ASIC2: variants seen among roughly 807,000 people sequenced by gnomAD.
ASIC2 encodes acid sensing ion channel subunit 2.
ASIC2 carries 25 observed loss-of-function variants against 57.3 expected under a neutral mutation model. That is an observed-to-expected ratio of 0.44 (90% CI 0.32 to 0.61). The LOEUF (loss-of-function observed/expected upper bound fraction) is 0.61, where lower values mean the gene tolerates loss of function less well. Among genes scored for constraint, ASIC2 ranks in the 20% least tolerant of loss-of-function variants. The probability of loss-of-function intolerance (pLI) is 0.06; values close to 1 mark genes in which losing one functional copy is unlikely to be tolerated. For missense variants in ASIC2, 641 were observed against 738.1 expected, an observed-to-expected ratio of 0.87 and a Z score of 1.52; for synonymous variants, 319 against 307.5, an observed-to-expected ratio of 1.04 and a Z score of -0.39.
chr17:33,099,560 C>T (rs552964694), intron 2 of ASIC2, among the ~76,000 whole-genome samples: 34 of 152,214 alleles, frequency 2.2e-4, no homozygotes, highest in African/African-American at 6.7e-4. Context: ...GTGAAAGCAC[C>T]GTGTGTGGAG....
chr17:33,690,855 T>C (rs180898417), intron 1 of ASIC2, among the ~76,000 whole-genome samples: 63 of 146,448 alleles, frequency 4.3e-4, no homozygotes, highest in African/African-American at 1.5e-3. Context: ...ATTCACGCCA[T>C]TCTCCTGCCT....
At chr17:33,732,044 A>G (rs191388105) in intron 1 of ASIC2, among the ~76,000 whole-genome samples, 104 of 152,334 alleles carry the variant, frequency 6.8e-4, no homozygotes, top group African/African-American at 2.2e-3. Flanking sequence ...GAAAATTTAT[A>G]TAGATGTAAT....
At chr17:33,571,866 TCATCAAAGG>T (rs1241959680) in intron 1 of ASIC2, 4 of 152,228 alleles carry the variant, frequency 2.6e-5, no homozygotes, top group Non-Finnish European at 5.9e-5. Flanking sequence ...CTATTAGCAC[TCATCAAAGG>T]GTTTACCAGC....
chr17:33,637,050 C>A (rs777328706), intron 1 of ASIC2, among the ~76,000 whole-genome samples: 4 of 152,090 alleles, frequency 2.6e-5, no homozygotes, highest in Non-Finnish European at 4.4e-5. Context: ...TCTTCCCTCT[C>A]TTCTTTCTCT....
chr17:33,699,668 A>G (rs559693694), intron 1 of ASIC2, among the ~76,000 whole-genome samples: 6 of 151,704 alleles, frequency 4.0e-5, no homozygotes, highest in African/African-American at 1.5e-4. Flanking sequence ...TTGGGAAACC[A>G]TGGTCTACAC....
At chr17:33,948,869 G>A (rs1042210352) in intron 1 of ASIC2, among the ~76,000 whole-genome samples, 2 of 152,320 alleles carry the variant, frequency 1.3e-5, no homozygotes, top group South Asian at 4.1e-4. Context: ...TATAGCAGAA[G>A]TTGTCACACT....
At chr17:33,224,240 T>C (rs956774964) in intron 1 of ASIC2, among the ~76,000 whole-genome samples, 6 of 152,258 alleles carry the variant, frequency 3.9e-5, no homozygotes, top group African/African-American at 1.4e-4. Context: ...ATGCACTTGC[T>C]TTCTGGGCTT....
chr17:33,238,247 C>A (rs529642882), intron 1 of ASIC2, among the ~76,000 whole-genome samples: 1 of 152,200 alleles, frequency 6.6e-6, no homozygotes. Context: ...GAGAGCTGCA[C>A]GACGGCACTG....
intron 1 of ASIC2, among the ~76,000 whole-genome samples, chr17:33,578,820 A>G (rs997632756): frequency 1.3e-5 from 2 of 152,186 alleles, no homozygotes; most frequent in Admixed American, 6.5e-5. Context: ...CATATAGTTC[A>G]GGGACTGTAA....
chr17:33,434,297 C>T (rs1290669939), intron 1 of ASIC2, among the ~76,000 whole-genome samples: 2 of 151,946 alleles, frequency 1.3e-5, no homozygotes, highest in Non-Finnish European at 2.9e-5. Context: ...TAATTCAAGG[C>T]TTTCCTGAAA....
intron 1 of ASIC2, among the ~76,000 whole-genome samples, chr17:33,673,148 C>A (rs776598752): frequency 3.3e-5 from 5 of 152,068 alleles, no homozygotes; most frequent in Non-Finnish European, 7.3e-5. Context: ...GGCTCAGGTG[C>A]AGGTGCAGGG....
At chr17:33,733,599 A>C (rs934994116) in intron 1 of ASIC2, among the ~76,000 whole-genome samples, 2 of 152,162 alleles carry the variant, frequency 1.3e-5, no homozygotes, top group African/African-American at 4.8e-5. Context: ...TGGCTCTTCT[A>C]CTGATTAGAT....
At chr17:33,236,903 A>G (rs1322407512) in intron 1 of ASIC2, among the ~76,000 whole-genome samples, 5 of 152,072 alleles carry the variant, frequency 3.3e-5, no homozygotes, top group African/African-American at 1.2e-4. Context: ...GTCTGCCAAC[A>G]CCTCGATTTT....
In ASIC2 at chr17:34,105,313, T is replaced by A. The variant is rs1911004664; in HGVS notation, c.555+50665A>T. Among the ~76,000 whole-genome samples the A allele has an allele frequency of 1.3e-5, 2 of 151,918 alleles. 1 individual carries two copies. Among genetic ancestry groups the A allele is most frequent in the African/African-American group, 4.8e-5 (2 of 41,442 alleles). ...AATGATATTCATTTCTTAATTCATG[T>A]TATTATACTATAGATAACTTGTGTT... On this transcript the variant is annotated intron_variant, in intron 1 of 9. Transcript: ENST00000359872.
intron 1 of ASIC2, among the ~76,000 whole-genome samples, chr17:33,121,075 C>T (rs922272123): frequency 1.3e-5 from 2 of 152,224 alleles, no homozygotes; most frequent in Admixed American, 1.3e-4. Flanking sequence ...TGAAAGTTCT[C>T]TGTAGAAAAA....
At chr17:33,763,981 A>G (rs950565933) in intron 1 of ASIC2, among the ~76,000 whole-genome samples, 1 of 152,108 alleles carries the variant, frequency 6.6e-6, no homozygotes, top group African/African-American at 2.4e-5. Context: ...TACCCCAACA[A>G]GCCTTTTCTA....
chr17:33,976,402 C>G (rs568601652), intron 1 of ASIC2: 1 of 152,204 alleles, frequency 6.6e-6, no homozygotes, highest in South Asian at 2.1e-4. Flanking sequence ...AGGCCTGACC[C>G]CACATTCCAA....
chr17:34,095,772 A>C (rs1487979178), intron 1 of ASIC2, among the ~76,000 whole-genome samples: 1 of 148,112 alleles, frequency 6.8e-6, no homozygotes, highest in Non-Finnish European at 1.5e-5. Flanking sequence ...TAAAAGCAGC[A>C]CAGATAATGT....
chr17:33,407,443 C>G (rs1430361329), intron 1 of ASIC2, among the ~76,000 whole-genome samples: 1 of 152,200 alleles, frequency 6.6e-6, no homozygotes, highest in African/African-American at 2.4e-5. Flanking sequence ...GCCTCTTGAT[C>G]ACTTTAAGAC....
Sources: allele counts gnomAD v4.1 joint callset (sites outside exome capture counted in the v4.1 genomes callset), GRCh38; gene constraint gnomAD v4.1.1; transcripts MANE v1.5; gene names NCBI Gene and HGNC (gene_info 2026-07-23, HGNC 2026-07-21).